The following PLCG2 variants were observed in gnomAD, a reference collection of about 807,000 sequenced individuals.
The protein encoded by PLCG2 is phospholipase C gamma 2, also known as 1-phosphatidylinositol 4,5-bisphosphate phosphodiesterase gamma-2.
Under a neutral mutation model 175.6 loss-of-function variants are expected in PLCG2, and 69 were observed. The ratio of observed to expected loss-of-function variants is 0.39; its 90% confidence interval spans 0.32 to 0.48. The LOEUF (loss-of-function observed/expected upper bound fraction) is 0.48. Among genes scored for constraint, PLCG2 ranks in the 20% least tolerant of loss-of-function variants. The pLI, the probability that PLCG2 is intolerant of heterozygous loss-of-function variation, is 0.91. For missense variants in PLCG2, 1,798 were observed against 1,650.9 expected, an observed-to-expected ratio of 1.09 and a Z score of -1.54; for synonymous variants, 827 against 624.0, an observed-to-expected ratio of 1.33 and a Z score of -4.85.
At chr16:81,769,819 CAAAAAAAAAAAAA>C (rs71146043) in intron 2 of PLCG2, among the ~76,000 whole-genome samples, 6 of 75,654 alleles carry the variant, frequency 7.9e-5, no homozygotes, top group Middle Eastern at 0.011. Flanking sequence ...GACTCCGTCT[CAAAAAAAAAAAAA>C]AAAAAAAAAA....
intron 13 of PLCG2, among the ~76,000 whole-genome samples, chr16:81,896,361 C>T (rs535930136): frequency 1.2e-3 from 161 of 135,754 alleles, no homozygotes; most frequent in African/African-American, 4.2e-3. Flanking sequence ...CCCTTCTCTA[C>T]CAAAACACAC....
intron 1 of PLCG2, among the ~76,000 whole-genome samples, chr16:81,742,304 A>G (rs1375568609): frequency 6.6e-6 from 1 of 152,172 alleles, no homozygotes; most frequent in Non-Finnish European, 1.5e-5. Flanking sequence ...GCTAGGTGCC[A>G]GGCAGTGCTC....
In PLCG2 at chr16:81,910,658, C is replaced by T. The variant is rs368337142; in HGVS notation, c.1872C>T (p.Cys624=). The T allele has an allele frequency of 1.1e-5, 18 of 1,613,716 alleles. No homozygotes were observed. The highest frequency in any genetic ancestry group is 4.5e-5 in the East Asian group (2 of 44,886). Reference sequence around the variant, plus strand: ...ACTACCGCGAGACGCACCTGCGCTGCGCCGAGTTCGAGCTGCGGCTCACGG... The same window carrying T: ...ACTACCGCGAGACGCACCTGCGCTGTGCCGAGTTCGAGCTGCGGCTCACGG... The part of the protein sequence containing the change: ...IQHYRETHLR[C]AEFELRLTDP... Residue 624 remains cysteine, a synonymous_variant, in exon 18 of 33, where the codon TGC becomes TGT. Transcript: ENST00000564138.
rs80134881 is a variant in PLCG2, at chr16:81,958,183, T to C, written c.*185T>C. 3,576 of 600,712 alleles carry C rather than the reference T, an allele frequency of 6.0e-3. 103 individuals are homozygous for C. The highest frequency in any genetic ancestry group is 0.056 in the African/African-American group (2,994 of 53,766). The allele number at this position is 600,712 out of a possible 1,614,324, so 37.2% of individuals were successfully genotyped here. ...GGGGTAATTTCCTATTATTTTCATC[T>C]TGGACAACTTTCTTAACTTATATTC... On this transcript the variant is annotated 3_prime_UTR_variant, in exon 33 of 33. Coordinates refer to ENST00000564138, the MANE Select transcript of PLCG2 (RefSeq NM_002661.5).
chr16:81,815,923 A>G (rs7404552), intron 2 of PLCG2, among the ~76,000 whole-genome samples: 151,309 of 152,058 alleles, frequency 1, 75,283 homozygotes, highest in South Asian at 1. Context: ...TTAGCCAGGC[A>G]TGGTGACTTG....
intron 1 of PLCG2, among the ~76,000 whole-genome samples, chr16:81,781,028 GACAAACAA>G (rs112007343): frequency 1.3e-5 from 2 of 150,736 alleles, no homozygotes; most frequent in Non-Finnish European, 3.0e-5. Context: ...TCCATCTCAA[GACAAACAA>G]ACAAACAAAC....
At chr16:81,874,591 G>A (rs1324664411) in intron 7 of PLCG2, among the ~76,000 whole-genome samples, 3 of 152,134 alleles carry the variant, frequency 2.0e-5, no homozygotes, top group African/African-American at 4.8e-5. Flanking sequence ...TGATTTGGGG[G>A]GAATGAGGGC....
intron 14 of PLCG2, 47 bp downstream of exon 14, chr16:81,900,827 C>G: frequency 6.5e-7 from 1 of 1,548,464 alleles, no homozygotes; most frequent in Non-Finnish European, 8.8e-7. Context: ...AGCCCAGTGG[C>G]TCGGTTCCCC....
chr16:81,777,437 T>TAAA (rs750704164), upstream of PLCG2, among the ~76,000 whole-genome samples: 1 of 105,684 alleles, frequency 9.5e-6, no homozygotes, highest in Admixed American at 1.0e-4. Flanking sequence ...GCTGAAGTTC[T>TAAA]AAAAAAAAAA....
intron 31 of PLCG2, among the ~76,000 whole-genome samples, chr16:81,950,126 A>C (rs1333421173): frequency 2.6e-5 from 4 of 152,228 alleles, no homozygotes; most frequent in Non-Finnish European, 4.4e-5. Context: ...AATTGAAGTG[A>C]AATGGATAAG....
At chr16:81,868,427 G>A (rs1025426825) in intron 5 of PLCG2, among the ~76,000 whole-genome samples, 2 of 152,110 alleles carry the variant, frequency 1.3e-5, no homozygotes, top group Non-Finnish European at 2.9e-5. Flanking sequence ...CATCCCTCTT[G>A]TCTCTTCACA....
intron 5 of PLCG2, among the ~76,000 whole-genome samples, chr16:81,865,971 C>CA (rs1907211487): frequency 7.3e-6 from 1 of 136,834 alleles, no homozygotes; most frequent in Non-Finnish European, 1.6e-5. Flanking sequence ...GGATGGGCTC[C>CA]ACTGGGGCAC....
intron 13 of PLCG2, chr16:81,898,152 A>T (rs1227633476): frequency 4.6e-6 from 1 of 215,718 alleles, no homozygotes; most frequent in African/African-American, 2.4e-5. Context: ...ACAGTCATTC[A>T]TCGAACATTA....
At chr16:81,913,148 A>G (rs1909704168) in intron 19 of PLCG2, among the ~76,000 whole-genome samples, 1 of 151,842 alleles carries the variant, frequency 6.6e-6, no homozygotes, top group African/African-American at 2.4e-5. Flanking sequence ...CTGCCCAACC[A>G]CCTCTAGGCC....
At chr16:81,808,760 TG>T (rs2143284398) in intron 2 of PLCG2, among the ~76,000 whole-genome samples, 1 of 152,326 alleles carries the variant, frequency 6.6e-6, no homozygotes, top group South Asian at 2.1e-4. Flanking sequence ...CCCAAAGTGC[TG>T]GGATTACAGG....
intron 2 of PLCG2, among the ~76,000 whole-genome samples, chr16:81,830,647 G>T (rs1905222131): frequency 6.7e-6 from 1 of 149,510 alleles, no homozygotes; most frequent in Non-Finnish European, 1.5e-5. Context: ...AAATGTGTGG[G>T]GTGTGTGTGT....
At chr16:81,902,994 C>T (rs1909216484) in intron 14 of PLCG2, among the ~76,000 whole-genome samples, 1 of 152,298 alleles carries the variant, frequency 6.6e-6, no homozygotes, top group Middle Eastern at 3.4e-3. Flanking sequence ...CTGGGTTCCT[C>T]CTATGACACG....
At chr16:81,912,906 C>T (rs957382100) in intron 19 of PLCG2, among the ~76,000 whole-genome samples, 190 bp downstream of exon 19, 12 of 152,254 alleles carry the variant, frequency 7.9e-5, no homozygotes, top group Non-Finnish European at 1.2e-4. Context: ...GCACAGTCTG[C>T]GTTCTCCAGG....
rs1911807665 is a variant in PLCG2, at chr16:81,962,314, C to G, written c.*4316C>G. The G allele has an allele frequency of 4.9e-6, 1 of 202,044 alleles. No homozygotes were observed. Among genetic ancestry groups the G allele is most frequent in the African/African-American group, 2.3e-5 (1 of 43,606 alleles). 12.5% of individuals were successfully genotyped at this position (202,044 alleles called of 1,614,324 possible). On this transcript the variant is annotated 3_prime_UTR_variant, in exon 33 of 33. Coordinates refer to ENST00000564138, the MANE Select transcript of PLCG2 (RefSeq NM_002661.5). The stretch of plus-strand genomic sequence containing the variant: ...AACTTTTTGAACCCAACCGTAAAAG[C>G]TATCTTCTAACCAACAAAAAGTTAA...
Sources: gnomAD v4.1 joint callset for allele counts (sites outside exome capture counted in the v4.1 genomes callset) on GRCh38, gnomAD v4.1.1 for gene constraint, MANE v1.5 for transcripts, NCBI Gene and HGNC (gene_info 2026-07-23, HGNC 2026-07-21) for gene names.